Variants in PCNX4 observed in about 807,000 individuals in gnomAD.
PCNX4 encodes pecanex 4.
Under a neutral mutation model 107.2 loss-of-function variants are expected in PCNX4, and 103 were observed. That is an observed-to-expected ratio of 0.96 (90% CI 0.82 to 1.13). PCNX4 has a LOEUF of 1.13. PCNX4 is among the 50% of genes most tolerant of loss of function. PCNX4 has a pLI of 0.00. For missense variants in PCNX4, 1,528 were observed against 1,379.4 expected, an observed-to-expected ratio of 1.11 and a Z score of -1.71; for synonymous variants, 541 against 481.7, an observed-to-expected ratio of 1.12 and a Z score of -1.61.
At position 60,145,035 on chromosome 14, in the gene PCNX4, A is replaced by G. The variant is rs1896363530; in HGVS notation, c.*10814A>G. ...CATCCTGTAAAAGAGGGACAGAAAC[A>G]TGGATCAGTACCTACTCCTATTTAC... On this transcript the variant is annotated 3_prime_UTR_variant, in exon 11 of 11. Transcript: ENST00000406854. This position sits in a 1 kb window ranked among gnomAD's most constrained non-coding sequence, Gnocchi z 4.0. 2 of 1,561,516 alleles carry G rather than the reference A, an allele frequency of 1.3e-6. No individual in the cohort carries two copies. The highest frequency in any genetic ancestry group is 2.8e-5 in the African/African-American group (2 of 71,364).
rs1429177425 is a variant in PCNX4 at position 60,144,840 on chromosome 14, C to T, written c.*10619C>T. The stretch of plus-strand genomic sequence containing the variant: ...TTTTTATTTCATTCCATGTTGGAAG[C>T]AAAGTCATATCTATTAAAAAGTAAA... On this transcript the variant is annotated 3_prime_UTR_variant, in exon 11 of 11. Transcript: ENST00000406854. The T allele has an allele frequency of 3.7e-6, 3 of 802,914 alleles. No individual in the cohort carries two copies. Among genetic ancestry groups the T allele is most frequent in the South Asian group, 1.6e-5 (1 of 61,760 alleles). 49.7% of individuals were successfully genotyped at this position (802,914 alleles called of 1,614,324 possible). A position where few individuals can be genotyped will look rare whatever the true frequency, so the allele number is the denominator to read the frequency against.
chr14:60,132,311 C>A (rs977395417), intron 10 of PCNX4, among the ~76,000 whole-genome samples: 11 of 152,232 alleles, frequency 7.2e-5, no homozygotes, highest in African/African-American at 2.6e-4. Context: ...GCTTTAGGAC[C>A]CACCTAAATC....
At chr14:60,092,670 A>G (rs1282394956) in intron 1 of PCNX4, among the ~76,000 whole-genome samples, 1 of 152,180 alleles carries the variant, frequency 6.6e-6, no homozygotes, top group East Asian at 1.9e-4. Flanking sequence ...TTTGTTTCTA[A>G]GAGACTCGTA....
chr14:60,114,813 T>A lies in PCNX4; in HGVS notation c.803T>A (p.Leu268His), dbSNP rs757298392. ...ACTCTGCCCCCACCCGATGCACTTC[T>A]CTTATGGGCAATGGAGCAGGTTTTA... ...LGTLPPPDAL[L>H]LWAMEQVLEF... Residue 268 changes from leucine (L) to histidine (H), a missense_variant, in exon 3 of 11, where the codon CTC becomes CAC. Physicochemically the swap from Leu to His is moderately conservative, Grantham distance 99 (BLOSUM62 -3). Transcript: ENST00000406854. 1 of 1,613,946 alleles carries A rather than the reference T, an allele frequency of 6.2e-7. No homozygotes were observed. The highest frequency in any genetic ancestry group is 8.5e-7 in the Non-Finnish European group (1 of 1,179,856).
Position 60,134,197 on chromosome 14 carries a change from A to G in PCNX4, c.3495A>G (p.Lys1165=). The G allele has an allele frequency of 6.2e-7, 1 of 1,613,454 alleles. No homozygotes were observed. Among genetic ancestry groups the G allele is most frequent in the Non-Finnish European group, 8.5e-7 (1 of 1,179,574 alleles). The change falls in exon 11 of 11, where the codon AAA becomes AAG. Residue 1165 remains lysine, a synonymous_variant. Transcript: ENST00000406854. ...TGGGATATCCGATTTATTCTTCAAA[A>G]CCTCTCCACATACATTTGTATTAGA... ...PPLGYPIYSS[K]PLHIHLY
chr14:60,123,756 G>A (rs1895996571), intron 8 of PCNX4, among the ~76,000 whole-genome samples: 1 of 152,070 alleles, frequency 6.6e-6, no homozygotes, highest in African/African-American at 2.4e-5. Context: ...ATCTGGAACA[G>A]GAGACTGATA....
rs1427553424 is a variant in PCNX4 at position 60,124,980 on chromosome 14, TG to T, written c.2811del (p.Trp937CysfsTer6). ...GATGAGCTCGTTATTTCCAGAAGAC[TG>T]GTACCAATTTGTTCTAAGGCAGTTG... ...KEMSSLFPED[W>X]YQFVLRQLEC... is the part of the protein sequence containing the mutation. On this transcript the variant is annotated frameshift_variant, in exon 9 of 11. Coordinates refer to ENST00000406854, the MANE Select transcript of PCNX4 (RefSeq NM_001330177.2). LOFTEE classifies it high-confidence loss of function. 1 of 1,613,852 alleles carries T rather than the reference TG, an allele frequency of 6.2e-7. No individual in the cohort carries two copies. The highest frequency in any genetic ancestry group is 2.2e-5 in the East Asian group (1 of 44,886).
chr14:60,103,241 C>A (rs1395075204), intron 1 of PCNX4, among the ~76,000 whole-genome samples: 1 of 152,072 alleles, frequency 6.6e-6, no homozygotes, highest in Non-Finnish European at 1.5e-5. Flanking sequence ...AAAGTAGTTT[C>A]CATAAAACAT....
At chr14:60,113,922 A>G (rs1375691970) in intron 2 of PCNX4, among the ~76,000 whole-genome samples, 2 of 152,166 alleles carry the variant, frequency 1.3e-5, no homozygotes, top group South Asian at 2.1e-4. Flanking sequence ...GGTACATTTA[A>G]CTGTTAAGTG....
rs754679655 is a variant in PCNX4, at chr14:60,121,293, C to T, written c.2040C>T (p.Asn680=). ...GTGGCTATACTTACTGCTCTATTAACATTAAGGTCAGTGTGCATATAAAAC... is the reference window on the plus strand; with the variant it reads ...GTGGCTATACTTACTGCTCTATTAATATTAAGGTCAGTGTGCATATAAAAC... ...LECGYTYCSI[N]IKGLELQETS... The change falls in exon 8 of 11, where the codon AAC becomes AAT. Residue 680 remains asparagine (N), a synonymous_variant. Transcript: ENST00000406854. 3.8e-6 allele frequency: 6 copies of T among 1,560,134 alleles called. No homozygotes were observed. In the South Asian group the frequency reaches 5.6e-5, roughly 15 times the overall value.
chr14:60,128,770 T>C (rs1055448415), intron 10 of PCNX4, among the ~76,000 whole-genome samples: 9 of 152,226 alleles, frequency 5.9e-5, no homozygotes, highest in East Asian at 1.9e-4. Context: ...TATTGTTGGG[T>C]CTATAACATA....
chr14:60,133,078 T>A (rs1212673179), intron 10 of PCNX4, among the ~76,000 whole-genome samples: 1 of 152,186 alleles, frequency 6.6e-6, no homozygotes, highest in Non-Finnish European at 1.5e-5. Flanking sequence ...GACCTAGCAG[T>A]TCTATCCCTA....
intron 7 of PCNX4, among the ~76,000 whole-genome samples, chr14:60,119,161 A>T (rs531559179): frequency 6.6e-6 from 1 of 152,200 alleles, no homozygotes; most frequent in Non-Finnish European, 1.5e-5. Context: ...AGCAGTCTGG[A>T]CAAGATAACA....
chr14:60,108,273 C>T lies in PCNX4; in HGVS notation c.635C>T (p.Pro212Leu). 6.2e-7 allele frequency: 1 copy of T among 1,612,426 alleles called. No individual in the cohort carries two copies. The highest frequency in any genetic ancestry group is 8.5e-7 in the Non-Finnish European group (1 of 1,179,734). ...ACACAGGATACTTATGAAATTATTC[C>T]TCTTATGAGACCTCTTTATATTTTT... ...FQTQDTYEII[P>L]LMRPLYIFFF... Residue 212 changes from proline to leucine, a missense_variant, in exon 2 of 11, where the codon CCT (proline) becomes CTT (leucine). Transcript: ENST00000406854.
In PCNX4 at chr14:60,139,223, T is replaced by C. The variant is rs972611689; in HGVS notation, c.*5002T>C. 2.0e-5 allele frequency: 3 copies of C among 152,020 alleles called. No homozygotes were observed. Among genetic ancestry groups the C allele is most frequent in the Non-Finnish European group, 2.9e-5 (2 of 67,922 alleles). The allele number at this position is 152,020 out of a possible 1,614,324, so 9.4% of individuals were successfully genotyped here. A position where few individuals can be genotyped will look rare whatever the true frequency, so the allele number is the denominator to read the frequency against. On this transcript the variant is annotated 3_prime_UTR_variant, in exon 11 of 11. Coordinates refer to ENST00000406854, the MANE Select transcript of PCNX4 (RefSeq NM_001330177.2). ...CCACAAAGTACCTTTATGCAAGAGA[T>C]GTCTTAAGTATAGGAATACAAAGGT...
rs1401863713 is a variant in PCNX4, at chr14:60,121,279, TACTG to T, written c.2027_2030del (p.Tyr676SerfsTer8). 1 of 1,611,256 alleles carries T rather than the reference TACTG, an allele frequency of 6.2e-7. No individual in the cohort carries two copies. The highest frequency in any genetic ancestry group is 1.3e-5 in the African/African-American group (1 of 74,736). ...AATGATTCTGGAATGTGGCTATACTTACTGCTCTATTAACATTAAGGTCAGTGTG... is the reference window on the plus strand; with the variant it reads ...AATGATTCTGGAATGTGGCTATACTTCTCTATTAACATTAAGGTCAGTGTG... On this transcript the variant is annotated frameshift_variant, in exon 8 of 11. Coordinates refer to ENST00000406854, the MANE Select transcript of PCNX4 (RefSeq NM_001330177.2). LOFTEE classifies it high-confidence loss of function.
intron 10 of PCNX4, among the ~76,000 whole-genome samples, chr14:60,127,549 G>C (rs1023877820): frequency 6.6e-6 from 1 of 152,190 alleles, no homozygotes; most frequent in African/African-American, 2.4e-5. Flanking sequence ...AAACTGGGCA[G>C]GGTATGGTAG....
At chr14:60,125,519 A>T in intron 9 of PCNX4, 118 bp from the exon 10 acceptor site, 1 of 833,756 alleles carries the variant, frequency 1.2e-6, no homozygotes, top group East Asian at 3.0e-5. Flanking sequence ...TCCACTTTTT[A>T]TCTGAAATAG....
intron 2 of PCNX4, chr14:60,108,989 A>G (rs1895685397): frequency 6.0e-6 from 1 of 166,846 alleles, no homozygotes; most frequent in Non-Finnish European, 1.5e-5. Flanking sequence ...GTGTCTCTCC[A>G]GAATTCATAT....
Sources: gnomAD v4.1 joint callset for allele counts (sites outside exome capture counted in the v4.1 genomes callset) on GRCh38, gnomAD v4.1.1 for gene constraint, Gnocchi (gnomAD v3.1) non-coding constraint, MANE v1.5 for transcripts, NCBI Gene and HGNC (gene_info 2026-07-23, HGNC 2026-07-21) for gene names.